CASZ1: variants seen among roughly 807,000 people sequenced by gnomAD.
CASZ1 encodes zinc finger protein castor homolog 1.
In CASZ1, 28 loss-of-function variants were observed where a neutral mutation model predicts 135.2. The observed-to-expected ratio is 0.21, with a 90% CI of 0.15 to 0.28. CASZ1 has a LOEUF of 0.28. CASZ1 is among the 10% of genes least tolerant of loss of function. CASZ1 has a pLI of 1.00. For synonymous variants in CASZ1, 1,068 were observed against 1,073.4 expected, an observed-to-expected ratio of 0.99 and a Z score of 0.10; for missense variants, 2,161 against 2,453.3, an observed-to-expected ratio of 0.88 and a Z score of 2.52.
At position 10,650,798 on chromosome 1, in the gene CASZ1, G is replaced by GCCTGGGC. The variant is rs1403241841; in HGVS notation, c.2817-50_2817-44dup. 6 of 1,606,816 alleles carry GCCTGGGC rather than the reference G, an allele frequency of 3.7e-6. No homozygotes were observed. In the African/African-American group the frequency reaches 5.3e-5, roughly 14 times the overall value. ...AGGGACTTGAGCTCAGACGGCCGGGGCCTGGGCCCTGGGGCTCACCTTCCC... is the reference window on the plus strand; with the variant it reads ...AGGGACTTGAGCTCAGACGGCCGGGGCCTGGGCCCTGGGCCCTGGGGCTCACCTTCCC... On this transcript the variant is annotated intron_variant, in intron 12 of 20. Transcript: ENST00000377022.
At chr1:10,698,426 C>A (rs190398256) in intron 3 of CASZ1, among the ~76,000 whole-genome samples, 3 of 152,324 alleles carry the variant, frequency 2.0e-5, no homozygotes, top group Non-Finnish European at 4.4e-5. Context: ...AATTGAAAAT[C>A]ATCTTCCCAT....
intron 18 of CASZ1, among the ~76,000 whole-genome samples, chr1:10,644,691 G>A (rs1034461739): frequency 6.6e-6 from 1 of 152,208 alleles, no homozygotes; most frequent in African/African-American, 2.4e-5. Flanking sequence ...GTGGAGGGGC[G>A]GTGCCCTGCG....
intron 1 of CASZ1, among the ~76,000 whole-genome samples, chr1:10,766,743 T>G (rs1463659014): frequency 6.6e-6 from 1 of 152,230 alleles, no homozygotes; most frequent in African/African-American, 2.4e-5. Flanking sequence ...TATTAAGCAT[T>G]GTGGGCTCAG....
At chr1:10,786,501 A>G (rs1239119685) in intron 1 of CASZ1, among the ~76,000 whole-genome samples, 1 of 152,208 alleles carries the variant, frequency 6.6e-6, no homozygotes, top group Non-Finnish European at 1.5e-5. Context: ...TCTCCATGGC[A>G]ATCCCTGATA....
At chr1:10,746,113 C>T (rs1057253813) in intron 2 of CASZ1, among the ~76,000 whole-genome samples, 2 of 152,168 alleles carry the variant, frequency 1.3e-5, no homozygotes, top group East Asian at 1.9e-4. Context: ...AGAGTGGCCT[C>T]GAGGCAGGGC....
At chr1:10,692,966 G>T (rs1638815486) in intron 4 of CASZ1, among the ~76,000 whole-genome samples, 1 of 152,188 alleles carries the variant, frequency 6.6e-6, no homozygotes, top group Non-Finnish European at 1.5e-5. Flanking sequence ...AGCACGTGAG[G>T]GTCCTGGTCA....
rs1639503972 is a variant in CASZ1, at chr1:10,721,886, C to T, written c.-76-16342G>A. 6.6e-6 allele frequency among the ~76,000 whole-genome samples: 1 copy of T among 152,230 alleles called. No individual in the cohort carries two copies. The highest frequency in any genetic ancestry group is 6.5e-5 in the Admixed American group (1 of 15,288). ...CCATGCCGAGGGGAAGAAGAGGGGCCAGGGCAGCCTCTTCGGGTCCGCCCA... is the reference window on the plus strand; with the variant it reads ...CCATGCCGAGGGGAAGAAGAGGGGCTAGGGCAGCCTCTTCGGGTCCGCCCA... On this transcript the variant is annotated intron_variant, in intron 2 of 20. Transcript: ENST00000377022. This position sits in a 1 kb window ranked among gnomAD's most constrained non-coding sequence, Gnocchi z 5.4.
chr1:10,636,853 T>C lies in CASZ1; in HGVS notation c.*2089A>G, dbSNP rs1018879667. ...CTCAAAACCTCTCTATATATCTCTA[T>C]ATATCTATATATGTATATACATATA... On this transcript the variant is annotated 3_prime_UTR_variant, in exon 21 of 21. Coordinates refer to ENST00000377022, the MANE Select transcript of CASZ1 (RefSeq NM_001079843.3). The C allele has an allele frequency of 6.6e-6, 1 of 151,950 alleles. No individual in the cohort carries two copies. The highest frequency in any genetic ancestry group is 1.5e-5 in the Non-Finnish European group (1 of 67,950). 9.4% of individuals were successfully genotyped at this position (151,950 alleles called of 1,614,324 possible). A position where few individuals can be genotyped will look rare whatever the true frequency, so the allele number is the denominator to read the frequency against.
intron 2 of CASZ1, among the ~76,000 whole-genome samples, chr1:10,722,888 A>T (rs1208849216): frequency 1.3e-5 from 2 of 152,220 alleles, no homozygotes; most frequent in Non-Finnish European, 2.9e-5. Flanking sequence ...CCCCAGAAAC[A>T]GGCCCAACAG....
At chr1:10,705,311 G>A (rs1272591044) in intron 3 of CASZ1, among the ~76,000 whole-genome samples, 181 bp downstream of exon 3, 1 of 152,248 alleles carries the variant, frequency 6.6e-6, no homozygotes, top group Non-Finnish European at 1.5e-5. Context: ...CTACTGGCGG[G>A]AGGGCATCTT....
rs190716962 is a variant in CASZ1 at position 10,681,878 on chromosome 1, C to T, written c.16+11996G>A. Among the ~76,000 whole-genome samples, 793 of 151,368 alleles carry T rather than the reference C, an allele frequency of 5.2e-3. 4 individuals are homozygous for T. Among genetic ancestry groups the T allele is most frequent in the Middle Eastern group, 0.044 (13 of 294 alleles). ...TCTTGGGTCTCTGGCCCTCTTGAGC[C>T]CCAGGCTCACCTCCAAACGCCCTTC... On this transcript the variant is annotated intron_variant, in intron 4 of 20. Transcript: ENST00000377022.
At position 10,645,012 on chromosome 1, in the gene CASZ1, T is replaced by C; in HGVS notation, c.3773A>G (p.Lys1258Arg). The C allele has an allele frequency of 3.1e-6, 5 of 1,613,996 alleles. No homozygotes were observed. The highest frequency in any genetic ancestry group is 4.2e-6 in the Non-Finnish European group (5 of 1,180,004). Residue 1258 changes from lysine to arginine, a missense_variant, in exon 18 of 21, where the codon AAG becomes AGG. Lys to Arg is a conservative substitution (Grantham distance 26). Around this residue, in one of 7 missense-constraint regions of CASZ1, gnomAD observed 349 missense variants for 460.8 expected, o/e 0.76. Coordinates refer to ENST00000377022, the MANE Select transcript of CASZ1 (RefSeq NM_001079843.3). ...ATGCTTCTTGATGTGCCAGGGGAGC[T>C]TGGTGGTGATGTTGGTCACAAAATA... ...GCYFVTNITT[K>R]LPWHIKKHEK... is the part of the protein sequence containing the mutation.
intron 14 of CASZ1, 24 bp from the exon 15 acceptor site, chr1:10,649,216 A>C (rs755231334): frequency 6.2e-7 from 1 of 1,612,070 alleles, no homozygotes; most frequent in Non-Finnish European, 8.5e-7. Flanking sequence ...CTGGCGTTAG[A>C]GGAGAGCCTG....
In CASZ1 at chr1:10,649,351, G is replaced by C. The variant is rs1466852294; in HGVS notation, c.2967C>G (p.Phe989Leu). 1.2e-6 allele frequency: 2 copies of C among 1,602,116 alleles called. No individual in the cohort carries two copies. The highest frequency in any genetic ancestry group is 2.7e-5 in the African/African-American group (2 of 74,672). Residue 989 changes from phenylalanine (F) to leucine (L), a missense_variant, in exon 14 of 21, where the codon TTC becomes TTG. Physicochemically the swap from Phe to Leu is conservative, Grantham distance 22. Coordinates refer to ENST00000377022, the MANE Select transcript of CASZ1 (RefSeq NM_001079843.3). ...CCAGCGCCTTCACGGCCTTGCCTAG[G>C]AAGGGCGAGGGCTCCGCAGCGGGGC... ...EGSPAAEPSP[F>L]LGKAVKALVQ...
intron 3 of CASZ1, among the ~76,000 whole-genome samples, chr1:10,702,867 A>T (rs1386283975): frequency 6.6e-6 from 1 of 152,154 alleles, no homozygotes; most frequent in African/African-American, 2.4e-5. Context: ...ATGCCGGGGA[A>T]ATCCAATACG....
In CASZ1 at chr1:10,739,453, G is replaced by A. The variant is rs1247195114; in HGVS notation, c.-77+21248C>T. Among the ~76,000 whole-genome samples, 3 of 152,234 alleles carry A rather than the reference G, an allele frequency of 2.0e-5. No individual in the cohort carries two copies. The highest frequency in any genetic ancestry group is 4.8e-5 in the African/African-American group (2 of 41,524). On this transcript the variant is annotated intron_variant, in intron 2 of 20. Transcript: ENST00000377022. The surrounding 1 kb of genome is among the most constrained non-coding windows in gnomAD (Gnocchi z 4.8). ...GCATGTGTGTGGCCCACACAAGGGC[G>A]GTCTGCTCTCACTCCCCTCGCTGCT... is the stretch of plus-strand genomic sequence containing the variant.
At chr1:10,728,887 G>C (rs1401906457) in intron 2 of CASZ1, among the ~76,000 whole-genome samples, 1 of 152,140 alleles carries the variant, frequency 6.6e-6, no homozygotes, top group African/African-American at 2.4e-5. Flanking sequence ...CAGCACACGG[G>C]GGCCGCAGGC....
At chr1:10,670,740 C>T (rs1643372564) in intron 4 of CASZ1, among the ~76,000 whole-genome samples, 2 of 152,320 alleles carry the variant, frequency 1.3e-5, no homozygotes, top group Middle Eastern at 3.4e-3. Context: ...CAGCAAGGGC[C>T]AGGAAGGGCC....
chr1:10,655,712 G>C lies in CASZ1; in HGVS notation c.1602C>G (p.Asp534Glu). ...GGCAGCCGTGGTAGTAGACGCTGCA[G>C]TCGTCCAGCGGGCTGAAACGCATGA... Reference protein sequence around the residue: ...HGFMRFSPLDDCSVYYHGCHL... With the variant: ...HGFMRFSPLDECSVYYHGCHL... The change falls in exon 9 of 21, where the codon GAC (aspartate) becomes GAG (glutamate). Residue 534 changes from aspartate (D) to glutamate (E), a missense_variant. Coordinates refer to ENST00000377022, the MANE Select transcript of CASZ1 (RefSeq NM_001079843.3). 6.2e-7 allele frequency: 1 copy of C among 1,614,178 alleles called. No homozygotes were observed. Among genetic ancestry groups the C allele is most frequent in the Non-Finnish European group, 8.5e-7 (1 of 1,179,986 alleles).
Sources: allele counts gnomAD v4.1 joint callset (sites outside exome capture counted in the v4.1 genomes callset), GRCh38; gene constraint gnomAD v4.1.1; regional missense constraint gnomAD v4.1.1; non-coding constraint Gnocchi (gnomAD v3.1); transcripts MANE v1.5; gene names NCBI Gene and HGNC (gene_info 2026-07-23, HGNC 2026-07-21).